DENND5B: variants seen among roughly 807,000 people sequenced by gnomAD.
DENND5B encodes DENN domain containing 5B.
Under a neutral mutation model 140.6 loss-of-function variants are expected in DENND5B, and 34 were observed. The ratio of observed to expected loss-of-function variants is 0.24; its 90% CI spans 0.18 to 0.32. The LOEUF (loss-of-function observed/expected upper bound fraction) is 0.32. Among genes scored for constraint, DENND5B ranks in the 10% least tolerant of loss-of-function variants. The pLI is 1.00. For missense variants in DENND5B, 1,142 were observed against 1,560.2 expected, an observed-to-expected ratio of 0.73 and a Z score of 4.52; for synonymous variants, 551 against 562.1, an observed-to-expected ratio of 0.98 and a Z score of 0.28.
chr12:31,513,400 C>G (rs1311350464), intron 1 of DENND5B, among the ~76,000 whole-genome samples: 1 of 152,204 alleles, frequency 6.6e-6, no homozygotes, highest in East Asian at 1.9e-4. Context: ...AGTTATACTT[C>G]ACCTCTTGAG....
At chr12:31,566,398 T>C (rs760841225) in intron 1 of DENND5B, among the ~76,000 whole-genome samples, 13 of 151,846 alleles carry the variant, frequency 8.6e-5, no homozygotes, top group Admixed American at 2.0e-4. Context: ...TTATTATTGT[T>C]ATTAAATTAA....
At chr12:31,550,838 TG>T (rs1949029484) in intron 1 of DENND5B, among the ~76,000 whole-genome samples, 1 of 152,216 alleles carries the variant, frequency 6.6e-6, no homozygotes, top group Non-Finnish European at 1.5e-5. Context: ...TTTTTTCATG[TG>T]TTTTTTTGGC....
At chr12:31,484,661 C>T (rs1591894473) in intron 2 of DENND5B, among the ~76,000 whole-genome samples, 1 of 151,884 alleles carries the variant, frequency 6.6e-6, no homozygotes, top group South Asian at 2.1e-4. Context: ...ATTAGCAGGG[C>T]GTGGTGGCAT....
intron 5 of DENND5B, among the ~76,000 whole-genome samples, chr12:31,449,327 A>G (rs1026290646): frequency 6.6e-6 from 1 of 152,232 alleles, no homozygotes. Flanking sequence ...TCAGGTGTAT[A>G]TACATAAATC....
intron 3 of DENND5B, among the ~76,000 whole-genome samples, chr12:31,470,448 C>A (rs993188284): frequency 5.3e-5 from 8 of 151,894 alleles, no homozygotes; most frequent in African/African-American, 1.9e-4. Flanking sequence ...CGGGGTTTCA[C>A]CATGTTACCC....
chr12:31,528,947 G>A (rs904348896), intron 1 of DENND5B, among the ~76,000 whole-genome samples: 2 of 151,916 alleles, frequency 1.3e-5, no homozygotes, highest in Admixed American at 6.6e-5. Context: ...GACCACCTGA[G>A]GTCAGGAGTC....
At chr12:31,496,594 T>C (rs1018904950) in intron 1 of DENND5B, among the ~76,000 whole-genome samples, 2 of 152,148 alleles carry the variant, frequency 1.3e-5, no homozygotes, top group African/African-American at 2.4e-5. Context: ...CCAGGCACAG[T>C]AGCTCATGCC....
intron 1 of DENND5B, among the ~76,000 whole-genome samples, chr12:31,559,456 CA>C: frequency 7.1e-6 from 1 of 141,126 alleles, no homozygotes; most frequent in South Asian, 2.4e-4. Flanking sequence ...AGCTGAAACA[CA>C]AATATTTTGG....
chr12:31,512,613 A>T (rs1036221080), intron 1 of DENND5B, among the ~76,000 whole-genome samples: 4 of 152,110 alleles, frequency 2.6e-5, no homozygotes, highest in African/African-American at 9.7e-5. Flanking sequence ...TATTTCAAAC[A>T]TAGGGATATT....
chr12:31,538,013 T>C (rs927951889), intron 1 of DENND5B, among the ~76,000 whole-genome samples: 1 of 152,246 alleles, frequency 6.6e-6, no homozygotes, highest in Admixed American at 6.5e-5. Context: ...AAAGCAAATA[T>C]TGTTACAGCT....
intron 3 of DENND5B, among the ~76,000 whole-genome samples, chr12:31,472,662 A>G (rs111734518): frequency 2.6e-5 from 4 of 152,286 alleles, no homozygotes; most frequent in African/African-American, 9.6e-5. Flanking sequence ...TGGTTTCCCA[A>G]AATTAAAGGG....
At chr12:31,521,917 T>C (rs991770000) in intron 1 of DENND5B, among the ~76,000 whole-genome samples, 2 of 152,236 alleles carry the variant, frequency 1.3e-5, no homozygotes, top group African/African-American at 4.8e-5. Flanking sequence ...ATAAAATCTT[T>C]CAGTGGCTCT....
At chr12:31,560,183 A>G (rs1011322497) in intron 1 of DENND5B, among the ~76,000 whole-genome samples, 2 of 152,170 alleles carry the variant, frequency 1.3e-5, no homozygotes, top group East Asian at 1.9e-4. Flanking sequence ...AGAATATCTT[A>G]CAGGTGTCTC....
intron 1 of DENND5B, among the ~76,000 whole-genome samples, chr12:31,557,734 G>T (rs147868579): frequency 6.9e-6 from 1 of 143,984 alleles, no homozygotes; most frequent in East Asian, 2.1e-4. Context: ...GGGAAAAGGA[G>T]AAGAGAGAAA....
chr12:31,437,762 A>T (rs1476403761), intron 7 of DENND5B, among the ~76,000 whole-genome samples: 1 of 152,228 alleles, frequency 6.6e-6, no homozygotes, highest in Non-Finnish European at 1.5e-5. Flanking sequence ...GTCATTAAAA[A>T]ATTCAAATTT....
intron 1 of DENND5B, among the ~76,000 whole-genome samples, chr12:31,568,096 G>A (rs746420681): frequency 3.9e-5 from 6 of 152,078 alleles, no homozygotes; most frequent in Non-Finnish European, 7.4e-5. Flanking sequence ...AATATGAAAT[G>A]CTCCAAAATC....
intron 17 of DENND5B, among the ~76,000 whole-genome samples, chr12:31,394,113 A>G (rs1941305040): frequency 6.6e-6 from 1 of 151,936 alleles, no homozygotes. Flanking sequence ...TGGTTTCTTT[A>G]CCCAGTAGTT....
intron 1 of DENND5B, among the ~76,000 whole-genome samples, chr12:31,554,014 T>C (rs1286205514): frequency 6.6e-6 from 1 of 152,196 alleles, no homozygotes; most frequent in Non-Finnish European, 1.5e-5. Flanking sequence ...TGACTCTTTA[T>C]CCAATTTGCC....
intron 3 of DENND5B, among the ~76,000 whole-genome samples, chr12:31,462,921 TG>T (rs1264940911): frequency 6.6e-6 from 1 of 151,494 alleles, no homozygotes; most frequent in Non-Finnish European, 1.5e-5. Flanking sequence ...ATTGCACTAC[TG>T]CACTCCAGCC....
Sources: gnomAD v4.1 joint callset for allele counts (sites outside exome capture counted in the v4.1 genomes callset) on GRCh38, gnomAD v4.1.1 for gene constraint, MANE v1.5 for transcripts, NCBI Gene and HGNC (gene_info 2026-07-23, HGNC 2026-07-21) for gene names.